Variants in MANBA observed in about 807,000 individuals in gnomAD.
MANBA encodes beta-mannosidase.
In MANBA, 83 loss-of-function variants were observed where a neutral mutation model predicts 111.1. The observed-to-expected ratio is 0.75, with a 90% CI of 0.63 to 0.90. The LOEUF is 0.90. Ranked by LOEUF, MANBA falls within the 40% of genes least tolerant of loss-of-function variation. MANBA has a pLI of 0.00. For missense variants in MANBA, 1,036 were observed against 1,069.0 expected (o/e 0.97, Z 0.43); for synonymous variants, 370 against 378.7 (o/e 0.98, Z 0.27).
At chr4:102,702,242 A>T (rs1307272938) in intron 5 of MANBA, among the ~76,000 whole-genome samples, 1 of 151,388 alleles carries the variant, frequency 6.6e-6, no homozygotes, top group Non-Finnish European at 1.5e-5. Context: ...TGTATTGGTT[A>T]TTCTAGTTAT....
intron 1 of MANBA, chr4:102,729,155 T>A (rs1722927193): frequency 4.1e-6 from 3 of 725,082 alleles, no homozygotes; most frequent in African/African-American, 3.5e-5. Context: ...CCCCCTGTGC[T>A]GCAGACATCT....
At chr4:102,760,400 G>C (rs1461950513) in intron 1 of MANBA, among the ~76,000 whole-genome samples, 1 of 152,076 alleles carries the variant, frequency 6.6e-6, no homozygotes, top group Non-Finnish European at 1.5e-5. Context: ...TGTCAGTGAC[G>C]GCATGCCCTT....
Position 102,642,758 on chromosome 4 carries a change from G to T in MANBA, c.1870-2901C>A, listed in dbSNP as rs1281224029. Among the ~76,000 whole-genome samples the T allele has an allele frequency of 2.0e-5, 3 of 152,142 alleles. No homozygotes were observed. The East Asian group carries it at 5.8e-4, about 29-fold the overall frequency. On this transcript the variant is annotated intron_variant, in intron 13 of 16. Coordinates refer to ENST00000647097, the MANE Select transcript of MANBA (RefSeq NM_005908.4). ...TCCAGTTCCAGCACTGCCACTGGTG[G>T]TTGCTAGCTGTCTTCCAAAACCAAT...
At chr4:102,697,945 A>G (rs1287469399) in intron 5 of MANBA, among the ~76,000 whole-genome samples, 1 of 151,796 alleles carries the variant, frequency 6.6e-6, no homozygotes, top group African/African-American at 2.4e-5. Flanking sequence ...TGACTTCCAC[A>G]ATGGTTGAAC....
At chr4:102,714,791 G>A (rs2110274003) in intron 4 of MANBA, among the ~76,000 whole-genome samples, 1 of 152,310 alleles carries the variant, frequency 6.6e-6, no homozygotes, top group Non-Finnish European at 1.5e-5. Context: ...GATCTCCTCT[G>A]TTTGCACTGT....
chr4:102,657,223 G>GTTTTATTTTCTGTAT (rs1730596489), intron 12 of MANBA, among the ~76,000 whole-genome samples: 1 of 40,364 alleles, frequency 2.5e-5, no homozygotes, highest in Non-Finnish European at 5.3e-5. Flanking sequence ...GGAGTGGGGT[G>GTTTTATTTTCTGTAT]GGGGGGGGGT....
At chr4:102,727,182 G>A (rs1379459124) in intron 1 of MANBA, 1 of 353,238 alleles carries the variant, frequency 2.8e-6, no homozygotes, top group Non-Finnish European at 5.4e-6. Flanking sequence ...TGGTCTGGGA[G>A]TCCCAGGTTC....
chr4:102,724,866 T>G (rs1475693233), intron 2 of MANBA, among the ~76,000 whole-genome samples: 2 of 152,214 alleles, frequency 1.3e-5, no homozygotes, highest in Admixed American at 6.5e-5. Context: ...ATGTGTTGTA[T>G]TCATACAATA....
intron 5 of MANBA, among the ~76,000 whole-genome samples, chr4:102,703,632 G>C (rs1350225402): frequency 6.6e-6 from 1 of 152,154 alleles, no homozygotes; most frequent in Non-Finnish European, 1.5e-5. Flanking sequence ...GCACTGGATG[G>C]ATCAGCTGAC....
intron 12 of MANBA, among the ~76,000 whole-genome samples, chr4:102,653,142 G>C (rs1730410223): frequency 1.3e-5 from 2 of 151,882 alleles, no homozygotes; most frequent in Admixed American, 1.3e-4. Flanking sequence ...CACTGTGTCA[G>C]GTAGAGTGCT....
At chr4:102,671,538 G>A (rs1731499915) in intron 8 of MANBA, 140 bp from the exon 9 acceptor site, 1 of 662,842 alleles carries the variant, frequency 1.5e-6, no homozygotes, top group East Asian at 2.8e-5. Flanking sequence ...AAGAAAGTAA[G>A]ATAAAATTAT....
chr4:102,745,449 C>T (rs139375092), intron 1 of MANBA, among the ~76,000 whole-genome samples: 15 of 152,142 alleles, frequency 9.9e-5, no homozygotes, highest in Non-Finnish European at 1.3e-4. Context: ...GCCGCCATCA[C>T]AAATCCATTT....
At chr4:102,678,177 G>T (rs1731808083) in intron 7 of MANBA, among the ~76,000 whole-genome samples, 1 of 152,074 alleles carries the variant, frequency 6.6e-6, no homozygotes, top group Non-Finnish European at 1.5e-5. Context: ...CTTATAAAAA[G>T]GCATCTCTCC....
At chr4:102,657,222 T>TGGGGGGGGG (rs1553944231) in intron 12 of MANBA, among the ~76,000 whole-genome samples, 1 of 52,236 alleles carries the variant, frequency 1.9e-5, no homozygotes, top group Admixed American at 2.5e-4. Context: ...AGGAGTGGGG[T>TGGGGGGGGG]GGGGGGGGGG....
chr4:102,727,328 C>A, intron 1 of MANBA: 1 of 671,582 alleles, frequency 1.5e-6, no homozygotes, highest in Non-Finnish European at 2.7e-6. Context: ...TGATATAGTT[C>A]TCAGTTTTCC....
intron 5 of MANBA, among the ~76,000 whole-genome samples, chr4:102,699,378 G>C (rs1180100590): frequency 6.6e-6 from 1 of 151,884 alleles, no homozygotes; most frequent in African/African-American, 2.4e-5. Context: ...GCCCTGGCCA[G>C]AACTTCCAAC....
chr4:102,702,422 G>A (rs1733099748), intron 5 of MANBA, among the ~76,000 whole-genome samples: 1 of 152,266 alleles, frequency 6.6e-6, no homozygotes, highest in East Asian at 1.9e-4. Flanking sequence ...CTTTGGAGGA[G>A]GAGAGGTGCT....
chr4:102,697,936 G>C (rs1292283949), intron 5 of MANBA, among the ~76,000 whole-genome samples: 1 of 151,896 alleles, frequency 6.6e-6, no homozygotes, highest in African/African-American at 2.4e-5. Context: ...TCGCCACACT[G>C]ACTTCCACAA....
chr4:102,695,300 G>A (rs1288651979), intron 5 of MANBA, among the ~76,000 whole-genome samples: 1 of 152,086 alleles, frequency 6.6e-6, no homozygotes, highest in African/African-American at 2.4e-5. Context: ...TTATTCAATT[G>A]TCTAGGAGAA....
Sources: allele counts gnomAD v4.1 joint callset (sites outside exome capture counted in the v4.1 genomes callset), GRCh38; gene constraint gnomAD v4.1.1; transcripts MANE v1.5; gene names NCBI Gene and HGNC (gene_info 2026-07-23, HGNC 2026-07-21).